GATAD2B: variants seen among roughly 807,000 people sequenced by gnomAD.
GATAD2B encodes the protein GATA zinc finger domain containing 2B, also known as transcriptional repressor p66-beta.
A neutral mutation model predicts 64.3 loss-of-function variants in GATAD2B; 8 were observed. The ratio of observed to expected loss-of-function variants is 0.12; its 90% CI spans 0.07 to 0.22. GATAD2B has a LOEUF of 0.22. Among genes scored for constraint, GATAD2B ranks in the 10% least tolerant of loss-of-function variants. GATAD2B has a pLI of 1.00. For missense variants in GATAD2B, 453 were observed against 752.0 expected (o/e 0.60, Z 4.65); for synonymous variants, 281 against 271.3 (o/e 1.04, Z -0.35).
intron 1 of GATAD2B, among the ~76,000 whole-genome samples, chr1:153,860,683 C>A (rs1422500458): frequency 3.3e-5 from 5 of 152,102 alleles, no homozygotes; most frequent in Admixed American, 6.6e-5. Context: ...TTTTGAGAGA[C>A]AGGGTCTCTT....
chr1:153,810,201 C>T lies in GATAD2B; in HGVS notation c.1758G>A (p.Ser586=), dbSNP rs368022295. The change falls in exon 11 of 11, where the codon TCG becomes TCA. Residue 586 remains serine, a synonymous_variant. Coordinates refer to ENST00000368655, the MANE Select transcript of GATAD2B (RefSeq NM_020699.4). The stretch of plus-strand genomic sequence containing the variant: ...GTTATTTCTGTCCACTGATGGACTG[C>T]GATATAGACCGGGGAGGGATCATGT... The part of the protein sequence containing the change: ...LLDMIPPRSI[S]QSISGQK 4.1e-5 allele frequency: 66 copies of T among 1,611,542 alleles called. No homozygotes were observed. Among genetic ancestry groups the T allele is most frequent in the Middle Eastern group, 1.6e-4 (1 of 6,074 alleles).
In GATAD2B at chr1:153,808,998, C is replaced by T. The variant is rs1299733121; in HGVS notation, c.*1179G>A. 1 of 152,094 alleles carries T rather than the reference C, an allele frequency of 6.6e-6. No homozygotes were observed. Among genetic ancestry groups the T allele is most frequent in the Non-Finnish European group, 1.5e-5 (1 of 68,040 alleles). 9.4% of individuals were successfully genotyped at this position (152,094 alleles called of 1,614,324 possible). A position where few individuals can be genotyped will look rare whatever the true frequency, so the allele number is the denominator to read the frequency against. ...TGATTGTGTACCCCCAGCCTCTCAT[C>T]TCCTGGCACTCAGAGGGTGAAAGAA... On this transcript the variant is annotated 3_prime_UTR_variant, in exon 11 of 11. Transcript: ENST00000368655.
At chr1:153,850,510 G>A (rs1485543163) in intron 1 of GATAD2B, among the ~76,000 whole-genome samples, 1 of 152,070 alleles carries the variant, frequency 6.6e-6, no homozygotes, top group Admixed American at 6.5e-5. Context: ...ATGTTGGCGA[G>A]GGTGGTCTCG....
chr1:153,908,500 CG>C (rs1207527775), intron 1 of GATAD2B, among the ~76,000 whole-genome samples: 5 of 149,606 alleles, frequency 3.3e-5, no homozygotes, highest in Non-Finnish European at 5.9e-5. Flanking sequence ...TTTTTTGAGA[CG>C]GAGTTTCGCT....
chr1:153,809,287 T>C lies in GATAD2B; in HGVS notation c.*890A>G, dbSNP rs1336226687. ...TAATTTTGGGCTGGTTGGCCTGGAA[T>C]AGACTTCCGTGTTCCCAATGGGGTC... On this transcript the variant is annotated 3_prime_UTR_variant, in exon 11 of 11. Coordinates refer to ENST00000368655, the MANE Select transcript of GATAD2B (RefSeq NM_020699.4). 6.6e-6 allele frequency: 1 copy of C among 152,202 alleles called. No individual in the cohort carries two copies. The highest frequency in any genetic ancestry group is 1.5e-5 in the Non-Finnish European group (1 of 68,036). The allele number at this position is 152,202 out of a possible 1,614,324, so 9.4% of individuals were successfully genotyped here. A position where few individuals can be genotyped will look rare whatever the true frequency, so the allele number is the denominator to read the frequency against.
chr1:153,847,414 TCC>T (rs1464176446), intron 1 of GATAD2B, among the ~76,000 whole-genome samples: 2 of 152,134 alleles, frequency 1.3e-5, no homozygotes, highest in East Asian at 3.8e-4. Context: ...AGATGGAGTC[TCC>T]CTCTATCACC....
At chr1:153,827,551 G>C (rs1358592597) in intron 2 of GATAD2B, 1 of 165,674 alleles carries the variant, frequency 6.0e-6, no homozygotes, top group African/African-American at 2.4e-5. Flanking sequence ...AGAATGCAGA[G>C]ACTTACCACA....
chr1:153,895,203 G>A (rs934728523), intron 1 of GATAD2B, among the ~76,000 whole-genome samples: 2 of 151,646 alleles, frequency 1.3e-5, no homozygotes, highest in Non-Finnish European at 2.9e-5. Flanking sequence ...GTGGTGGAAC[G>A]TGCCTGTAGT....
chr1:153,823,862 T>C (rs937516617), intron 2 of GATAD2B, among the ~76,000 whole-genome samples: 1 of 152,072 alleles, frequency 6.6e-6, no homozygotes, highest in African/African-American at 2.4e-5. Flanking sequence ...TCCAAGTAGC[T>C]AGGATTACAG....
chr1:153,867,234 A>T (rs1676509693), intron 1 of GATAD2B, among the ~76,000 whole-genome samples: 1 of 152,176 alleles, frequency 6.6e-6, no homozygotes, highest in Non-Finnish European at 1.5e-5. Context: ...AACCAAAAGA[A>T]ACCACACTGA....
intron 5 of GATAD2B, 21 bp from the exon 6 acceptor site, chr1:153,817,563 A>G: frequency 6.4e-7 from 1 of 1,563,976 alleles, no homozygotes; most frequent in Non-Finnish European, 8.7e-7. Context: ...AGAAGAGGAA[A>G]AGAACTAATC....
chr1:153,866,931 C>A (rs1432740770), intron 1 of GATAD2B, among the ~76,000 whole-genome samples: 1 of 152,144 alleles, frequency 6.6e-6, no homozygotes, highest in Non-Finnish European at 1.5e-5. Flanking sequence ...TAGGCGCACA[C>A]CACCACACCA....
chr1:153,913,302 A>T (rs1329211677), intron 1 of GATAD2B, among the ~76,000 whole-genome samples: 3 of 152,176 alleles, frequency 2.0e-5, no homozygotes, highest in Non-Finnish European at 4.4e-5. Context: ...AAAAAAAATA[A>T]TCAAAGGTAT....
intron 1 of GATAD2B, among the ~76,000 whole-genome samples, chr1:153,890,424 G>A (rs1476205184): frequency 6.7e-6 from 1 of 148,384 alleles, no homozygotes; most frequent in Non-Finnish European, 1.5e-5. Flanking sequence ...GGAGGCAGAG[G>A]TTGCAGTGAG....
chr1:153,888,048 C>T (rs1012631643), intron 1 of GATAD2B, among the ~76,000 whole-genome samples: 3 of 151,128 alleles, frequency 2.0e-5, no homozygotes, highest in Admixed American at 2.0e-4. Context: ...GATCGCGCCA[C>T]TGCACTCCAG....
At chr1:153,852,392 G>A in intron 1 of GATAD2B, 1 of 810,496 alleles carries the variant, frequency 1.2e-6, no homozygotes, top group Non-Finnish European at 2.2e-6. Context: ...GCCTGACCTT[G>A]GATGTTCTGT....
intron 1 of GATAD2B, chr1:153,853,110 G>T: frequency 6.8e-7 from 1 of 1,470,652 alleles, no homozygotes; most frequent in Non-Finnish European, 9.5e-7. Context: ...AACCTGAGTT[G>T]ATGGCTGATT....
intron 1 of GATAD2B, among the ~76,000 whole-genome samples, chr1:153,876,355 T>G (rs1676835280): frequency 6.6e-6 from 1 of 151,928 alleles, no homozygotes; most frequent in African/African-American, 2.4e-5. Context: ...CTATCTATAT[T>G]GTCATTTTTG....
chr1:153,878,440 T>C (rs1676903413), intron 1 of GATAD2B, among the ~76,000 whole-genome samples: 1 of 151,966 alleles, frequency 6.6e-6, no homozygotes, highest in Admixed American at 6.6e-5. Flanking sequence ...CTACAATCCT[T>C]AAAGAAAGTA....
Sources: gnomAD v4.1 joint callset for allele counts (sites outside exome capture counted in the v4.1 genomes callset) on GRCh38, gnomAD v4.1.1 for gene constraint, MANE v1.5 for transcripts, NCBI Gene and HGNC (gene_info 2026-07-23, HGNC 2026-07-21) for gene names.